The following ELOVL7 variants were observed in gnomAD, a reference collection of about 807,000 sequenced individuals.
ELOVL7 encodes the protein very long chain fatty acid elongase 7.
A neutral mutation model predicts 35.7 loss-of-function variants in ELOVL7; 27 were observed. That is an observed-to-expected ratio of 0.76 (90% CI 0.56 to 1.04). The LOEUF is 1.04. Ranked by LOEUF, ELOVL7 falls within the 50% of genes least tolerant of loss-of-function variation. The pLI, the probability that ELOVL7 is intolerant of heterozygous loss-of-function variation, is 0.00. For synonymous variants in ELOVL7, 113 were observed against 114.6 expected, an observed-to-expected ratio of 0.99 and a Z score of 0.09; for missense variants, 327 against 340.8, an observed-to-expected ratio of 0.96 and a Z score of 0.32.
intron 7 of ELOVL7, 141 bp from the exon 8 acceptor site, chr5:60,757,786 C>G: frequency 1.6e-6 from 1 of 633,102 alleles, no homozygotes; most frequent in Non-Finnish European, 2.5e-6. Flanking sequence ...AAACAACTAT[C>G]AAATTAGAGG....
In ELOVL7 at chr5:60,802,109, TATATATATACACAC is replaced by T. The variant is rs1561454109; in HGVS notation, c.-85-2893_-85-2880del. ...ATATATATATATATATATATATATA[TATATATATACACAC>T]ACACACACACACATATATCCTATTG... On this transcript the variant is annotated intron_variant, in intron 1 of 8. Coordinates refer to ENST00000508821, the MANE Select transcript of ELOVL7 (RefSeq NM_024930.3). Among the ~76,000 whole-genome samples, 24 of 7,424 alleles carry T rather than the reference TATATATATACACAC, an allele frequency of 3.2e-3. 2 individuals are homozygous for T. The highest frequency in any genetic ancestry group is 4.3e-3 in the Non-Finnish European group (17 of 3,944). 4.9% of individuals were successfully genotyped at this position (7,424 alleles called of 152,430 possible).
rs2112101612 is a variant in ELOVL7, at chr5:60,752,464, T to C, written c.*2160A>G. 1 of 152,728 alleles carries C rather than the reference T, an allele frequency of 6.5e-6. No individual in the cohort carries two copies. Among genetic ancestry groups the C allele is most frequent in the South Asian group, 2.1e-4 (1 of 4,824 alleles). The allele number at this position is 152,728 out of a possible 1,614,324, so 9.5% of individuals were successfully genotyped here. Reference sequence around the variant, plus strand: ...TATTTTTGCCTCATTTTGGTCTCTATACTACTTGGGTTCTTTGGAAATGGT... The same window carrying C: ...TATTTTTGCCTCATTTTGGTCTCTACACTACTTGGGTTCTTTGGAAATGGT... On this transcript the variant is annotated 3_prime_UTR_variant, in exon 9 of 9. Transcript: ENST00000508821.
At chr5:60,835,394 T>C (rs1248685359) in intron 1 of ELOVL7, among the ~76,000 whole-genome samples, 1 of 151,858 alleles carries the variant, frequency 6.6e-6, no homozygotes, top group Admixed American at 6.6e-5. Flanking sequence ...TTTTCAAGTT[T>C]TTACAATTTC....
intron 1 of ELOVL7, among the ~76,000 whole-genome samples, chr5:60,829,511 CTCTA>C (rs1269258405): frequency 2.0e-5 from 3 of 152,218 alleles, no homozygotes; most frequent in Non-Finnish European, 4.4e-5. Flanking sequence ...TCATAAATCC[CTCTA>C]TCTTTTATAT....
chr5:60,843,665 C>G (rs1747321816), intron 1 of ELOVL7: 1 of 152,374 alleles, frequency 6.6e-6, no homozygotes, highest in South Asian at 2.1e-4. Flanking sequence ...CGAGGCCAGA[C>G]CCCGGAGCTG....
chr5:60,797,383 G>T (rs1480480541), intron 2 of ELOVL7, among the ~76,000 whole-genome samples: 1 of 152,074 alleles, frequency 6.6e-6, no homozygotes, highest in Non-Finnish European at 1.5e-5. Context: ...CATTGAATAG[G>T]TTGTTCACAC....
At position 60,775,364 on chromosome 5, in the gene ELOVL7, T is replaced by C. The variant is rs1742841063; in HGVS notation, c.65-3271A>G. Among the ~76,000 whole-genome samples the C allele has an allele frequency of 2.0e-5, 3 of 152,210 alleles. No individual in the cohort carries two copies. The South Asian group carries it at 6.2e-4, about 32-fold the overall frequency. Reference sequence around the variant, plus strand: ...CAAATGGAAAAACATTCCATGCTCATGGATTAGAAAAATCAACATTGTTAG... The same window carrying C: ...CAAATGGAAAAACATTCCATGCTCACGGATTAGAAAAATCAACATTGTTAG... On this transcript the variant is annotated intron_variant, in intron 3 of 8. Coordinates refer to ENST00000508821, the MANE Select transcript of ELOVL7 (RefSeq NM_024930.3).
Position 60,811,236 on chromosome 5 carries a change from G to C in ELOVL7, c.-85-12006C>G, listed in dbSNP as rs151275114. Among the ~76,000 whole-genome samples the C allele has an allele frequency of 1.2e-3, 184 of 152,096 alleles. 4 individuals are homozygous for C. The East Asian group carries it at 0.034, about 28-fold the overall frequency. ...TTTGAACTATGAACATTCATACCTA[G>C]AAGGAAAAAACCAGTATATAGTATG... On this transcript the variant is annotated intron_variant, in intron 1 of 8. Coordinates refer to ENST00000508821, the MANE Select transcript of ELOVL7 (RefSeq NM_024930.3).
At chr5:60,764,645 T>TA (rs35867687) in intron 6 of ELOVL7, among the ~76,000 whole-genome samples, 25,151 of 151,586 alleles carry the variant, frequency 0.17, 2,221 homozygotes, top group South Asian at 0.3. Flanking sequence ...ATTGTATTGA[T>TA]AAAAAAAAAT....
rs1035412549 is a variant in ELOVL7 at position 60,752,117 on chromosome 5, A to T, written c.*2507T>A. 2.0e-5 allele frequency: 3 copies of T among 152,190 alleles called. No homozygotes were observed. The highest frequency in any genetic ancestry group is 1.5e-5 in the Non-Finnish European group (1 of 68,032). The allele number at this position is 152,190 out of a possible 1,614,324, so 9.4% of individuals were successfully genotyped here. A position where few individuals can be genotyped will look rare whatever the true frequency, so the allele number is the denominator to read the frequency against. ...AACCCAAACAAATTAAGTCCTGAAA[A>T]GTGGGATGAAATCCCAAAGGAACTC... On this transcript the variant is annotated 3_prime_UTR_variant, in exon 9 of 9. Transcript: ENST00000508821.
chr5:60,816,564 G>A (rs1233779386), intron 1 of ELOVL7, among the ~76,000 whole-genome samples: 2 of 152,140 alleles, frequency 1.3e-5, no homozygotes, highest in African/African-American at 4.8e-5. Flanking sequence ...AGCCAAATAG[G>A]CCAAATTACA....
At chr5:60,774,766 T>C (rs1347574775) in intron 3 of ELOVL7, among the ~76,000 whole-genome samples, 8 of 145,800 alleles carry the variant, frequency 5.5e-5, no homozygotes, top group East Asian at 2.0e-4. Flanking sequence ...AAAACTCTCT[T>C]TTTTTTTTTT....
intron 3 of ELOVL7, among the ~76,000 whole-genome samples, chr5:60,773,413 T>G (rs1293451061): frequency 6.6e-6 from 1 of 152,154 alleles, no homozygotes; most frequent in African/African-American, 2.4e-5. Context: ...CACTCAAAAT[T>G]TCTTCAGTAG....
intron 2 of ELOVL7, among the ~76,000 whole-genome samples, chr5:60,796,939 AT>A (rs1227493890): frequency 2.6e-5 from 4 of 152,254 alleles, no homozygotes; most frequent in Admixed American, 2.0e-4. Context: ...AACAAGAACA[AT>A]TCCAAAAACA....
At chr5:60,803,792 T>G (rs1371729898) in intron 1 of ELOVL7, among the ~76,000 whole-genome samples, 1 of 152,174 alleles carries the variant, frequency 6.6e-6, no homozygotes, top group Non-Finnish European at 1.5e-5. Context: ...CTATATGAAT[T>G]AACTCAGGTC....
At chr5:60,770,773 T>C (rs571590648) in intron 4 of ELOVL7, among the ~76,000 whole-genome samples, 41 of 152,310 alleles carry the variant, frequency 2.7e-4, no homozygotes, top group Non-Finnish European at 4.3e-4. Context: ...TCACGGCTCA[T>C]TGCAGCCTTG....
At chr5:60,809,430 T>A (rs571878420) in intron 1 of ELOVL7, among the ~76,000 whole-genome samples, 18 of 152,238 alleles carry the variant, frequency 1.2e-4, no homozygotes, top group Non-Finnish European at 2.5e-4. Flanking sequence ...AAGGTTTGAA[T>A]GGAAGGACTT....
intron 1 of ELOVL7, among the ~76,000 whole-genome samples, chr5:60,822,258 T>C (rs1387528201): frequency 6.6e-6 from 1 of 152,170 alleles, no homozygotes; most frequent in East Asian, 1.9e-4. Context: ...AGACACTGCA[T>C]AGGCAATAGG....
chr5:60,794,310 C>G (rs924606691), intron 2 of ELOVL7, among the ~76,000 whole-genome samples: 1 of 152,232 alleles, frequency 6.6e-6, no homozygotes, highest in Non-Finnish European at 1.5e-5. Flanking sequence ...ATAGGGCAAC[C>G]TACCTGGAGA....
Sources: gnomAD v4.1 joint callset for allele counts (sites outside exome capture counted in the v4.1 genomes callset) on GRCh38, gnomAD v4.1.1 for gene constraint, MANE v1.5 for transcripts, NCBI Gene and HGNC (gene_info 2026-07-23, HGNC 2026-07-21) for gene names.